GPC6: variants seen among roughly 807,000 people sequenced by gnomAD.
The protein encoded by GPC6 is glypican 6.
In GPC6, 14 loss-of-function variants were observed where a neutral mutation model predicts 55.2. That is an observed-to-expected ratio of 0.25 (90% CI 0.17 to 0.40). GPC6 has a LOEUF of 0.40. Ranked by LOEUF, GPC6 falls within the 10% of genes least tolerant of loss-of-function variation. The pLI is 1.00. For synonymous variants in GPC6, 278 were observed against 259.6 expected (o/e 1.07, Z -0.68); for missense variants, 641 against 708.5 (o/e 0.90, Z 1.08).
At chr13:93,223,124 C>A (rs1857325947), upstream of GPC6, among the ~76,000 whole-genome samples, 1 of 141,770 alleles carries the variant, frequency 7.1e-6, no homozygotes, top group African/African-American at 2.6e-5. Flanking sequence ...TGTGATTCAT[C>A]CCTTGGTGGT....
At chr13:94,327,261 T>G (rs1468047484) in intron 6 of GPC6, among the ~76,000 whole-genome samples, 1 of 152,204 alleles carries the variant, frequency 6.6e-6, no homozygotes, top group Non-Finnish European at 1.5e-5. Flanking sequence ...CCCCTCTGTG[T>G]CAGCAAACTG....
chr13:93,525,056 T>C (rs188124123), intron 1 of GPC6, among the ~76,000 whole-genome samples: 15 of 152,226 alleles, frequency 9.9e-5, no homozygotes, highest in Admixed American at 6.6e-4. Flanking sequence ...CTCCTACTAA[T>C]ATTTGTTTAG....
At chr13:94,377,836 C>T (rs2139201957) in intron 6 of GPC6, among the ~76,000 whole-genome samples, 1 of 152,212 alleles carries the variant, frequency 6.6e-6, no homozygotes, top group East Asian at 1.9e-4. Flanking sequence ...GAAATTGTGG[C>T]ACATATACAC....
intron 1 of GPC6, among the ~76,000 whole-genome samples, chr13:93,531,424 T>C (rs1362119157): frequency 6.6e-6 from 1 of 152,138 alleles, no homozygotes; most frequent in Non-Finnish European, 1.5e-5. Context: ...GATGCTGCAG[T>C]GTTGAAGAAG....
chr13:93,455,091 G>A (rs988127885), intron 1 of GPC6, among the ~76,000 whole-genome samples: 1 of 152,312 alleles, frequency 6.6e-6, no homozygotes, highest in Non-Finnish European at 1.5e-5. Flanking sequence ...TGCAGGGCCC[G>A]CCAAGCCCAC....
At chr13:93,998,657 GC>G (rs1881661809) in intron 3 of GPC6, among the ~76,000 whole-genome samples, 1 of 151,958 alleles carries the variant, frequency 6.6e-6, no homozygotes, top group South Asian at 2.1e-4. Flanking sequence ...TATAACTCTA[GC>G]TAGACTGAGT....
intron 4 of GPC6, among the ~76,000 whole-genome samples, chr13:94,249,789 G>T (rs1366289766): frequency 2.0e-5 from 3 of 152,132 alleles, no homozygotes; most frequent in African/African-American, 7.2e-5. Context: ...AACAGCGTTT[G>T]ACAAGCTTGA....
chr13:93,597,470 C>T (rs956353843), intron 2 of GPC6, among the ~76,000 whole-genome samples: 2 of 151,934 alleles, frequency 1.3e-5, no homozygotes, highest in Admixed American at 6.6e-5. Context: ...GGAACCTGGG[C>T]CCCCTTCCAT....
At chr13:94,154,307 A>G (rs1257604338) in intron 4 of GPC6, 1 of 152,094 alleles carries the variant, frequency 6.6e-6, no homozygotes, top group African/African-American at 2.4e-5. Context: ...CAATTATAAC[A>G]TATTGTAACC....
intron 3 of GPC6, among the ~76,000 whole-genome samples, chr13:94,010,199 A>G (rs1158736337): frequency 1.3e-5 from 2 of 152,188 alleles, no homozygotes; most frequent in Admixed American, 6.6e-5. Flanking sequence ...TTGAAAAAGT[A>G]AATGCCAATA....
At chr13:93,870,779 A>G (rs567325626) in intron 3 of GPC6, among the ~76,000 whole-genome samples, 1 of 151,896 alleles carries the variant, frequency 6.6e-6, no homozygotes, top group South Asian at 2.1e-4. Context: ...AGGCCTCAAA[A>G]TAAAACAAGG....
At chr13:93,797,658 T>C (rs1440115783) in intron 2 of GPC6, among the ~76,000 whole-genome samples, 1 of 152,104 alleles carries the variant, frequency 6.6e-6, no homozygotes, top group Non-Finnish European at 1.5e-5. Flanking sequence ...TTTCATAAAC[T>C]TCAGACAGAG....
At chr13:93,629,243 T>C (rs1037783801) in intron 2 of GPC6, among the ~76,000 whole-genome samples, 5 of 152,250 alleles carry the variant, frequency 3.3e-5, no homozygotes, top group African/African-American at 1.2e-4. Flanking sequence ...GGAACTATAT[T>C]GCTTGCTATA....
At chr13:93,891,061 A>G (rs1875653009) in intron 3 of GPC6, among the ~76,000 whole-genome samples, 1 of 152,154 alleles carries the variant, frequency 6.6e-6, no homozygotes, top group African/African-American at 2.4e-5. Flanking sequence ...ATAATTTTTA[A>G]AAAGCTTTAA....
intron 4 of GPC6, among the ~76,000 whole-genome samples, chr13:94,270,007 T>C (rs1222303768): frequency 1.3e-5 from 2 of 152,124 alleles, no homozygotes; most frequent in African/African-American, 4.8e-5. Context: ...GGGAAACAAA[T>C]GATCTGTTTT....
Position 93,515,033 on chromosome 13 carries a change from G to A in GPC6, c.161-30230G>A, listed in dbSNP as rs558377395. 2.0e-5 allele frequency among the ~76,000 whole-genome samples: 3 copies of A among 152,246 alleles called. No individual in the cohort carries two copies. The South Asian group carries it at 6.2e-4, about 32-fold the overall frequency. On this transcript the variant is annotated intron_variant, in intron 1 of 8. Transcript: ENST00000377047. ...TTTGTGGGGTAACCAGGTGATGAGGGTGGAGGCTCATGGTAGTATCTGTGT... is the reference window on the plus strand; with the variant it reads ...TTTGTGGGGTAACCAGGTGATGAGGATGGAGGCTCATGGTAGTATCTGTGT...
At chr13:94,246,746 G>A (rs1300998008) in intron 4 of GPC6, among the ~76,000 whole-genome samples, 1 of 152,000 alleles carries the variant, frequency 6.6e-6, no homozygotes, top group African/African-American at 2.4e-5. Flanking sequence ...GTGCCATACT[G>A]TTTTCATTAC....
At chr13:93,892,257 T>A (rs1875738261) in intron 3 of GPC6, among the ~76,000 whole-genome samples, 1 of 152,066 alleles carries the variant, frequency 6.6e-6, no homozygotes, top group East Asian at 1.9e-4. Flanking sequence ...AACATGGATA[T>A]GGGAAGCCCC....
chr13:94,245,488 A>G (rs1891169790), intron 4 of GPC6, among the ~76,000 whole-genome samples: 1 of 152,036 alleles, frequency 6.6e-6, no homozygotes, highest in South Asian at 2.1e-4. Flanking sequence ...GAGGATTGCC[A>G]GAGCCCAGGA....
Sources: gnomAD v4.1 joint callset for allele counts (sites outside exome capture counted in the v4.1 genomes callset) on GRCh38, gnomAD v4.1.1 for gene constraint, MANE v1.5 for transcripts, NCBI Gene and HGNC (gene_info 2026-07-23, HGNC 2026-07-21) for gene names.